SLC9A7: variants seen among roughly 807,000 people sequenced by gnomAD.
SLC9A7 encodes sodium/hydrogen exchanger 7.
In SLC9A7, 19 loss-of-function variants were observed where a neutral mutation model predicts 52.6. That is an observed-to-expected ratio of 0.36 (90% CI 0.25 to 0.53). The LOEUF (loss-of-function observed/expected upper bound fraction) is 0.53. Among genes scored for constraint, SLC9A7 ranks in the 20% least tolerant of loss-of-function variants. The pLI is 0.91. For synonymous variants in SLC9A7, 226 were observed against 252.1 expected (o/e 0.90, Z 0.98); for missense variants, 455 against 597.9 (o/e 0.76, Z 2.49).
intron 1 of SLC9A7, among the ~76,000 whole-genome samples, chrX:46,732,821 C>A (rs927933639): frequency 9.0e-6 from 1 of 111,573 alleles, no homozygotes; most frequent in African/African-American, 3.3e-5. Context: ...AAGAAACAAC[C>A]CTAGGGCCCA....
At chrX:46,708,546 G>A (rs1023570459) in intron 1 of SLC9A7, among the ~76,000 whole-genome samples, 2 of 110,896 alleles carry the variant, frequency 1.8e-5, no homozygotes, top group Non-Finnish European at 3.8e-5. Flanking sequence ...AAAAAAAGAG[G>A]TACTCAAACT....
intron 5 of SLC9A7, among the ~76,000 whole-genome samples, chrX:46,668,884 T>C (rs1323314688): frequency 9.0e-6 from 1 of 111,298 alleles, no homozygotes; most frequent in Non-Finnish European, 1.9e-5. Context: ...ATTGTTAAGA[T>C]AGGCTGGGCA....
intron 3 of SLC9A7, among the ~76,000 whole-genome samples, chrX:46,674,660 C>T (rs772066773): frequency 4.5e-5 from 5 of 111,701 alleles, no homozygotes; most frequent in Non-Finnish European, 9.4e-5. Flanking sequence ...CCCAGCTCTT[C>T]GATTCCCACT....
intron 1 of SLC9A7, among the ~76,000 whole-genome samples, chrX:46,736,342 T>C (rs1198743935): frequency 8.9e-6 from 1 of 111,951 alleles, no homozygotes; most frequent in Non-Finnish European, 1.9e-5. Context: ...TTGCATGTTA[T>C]CTACTTTTTC....
At chrX:46,755,462 A>G (rs1922580556) in intron 1 of SLC9A7, among the ~76,000 whole-genome samples, 1 of 111,265 alleles carries the variant, frequency 9.0e-6, no homozygotes. Context: ...AAAAGTCATG[A>G]AGAAAATTGA....
At chrX:46,675,061 ATGTGTGTGTGTGTGTGTGTGTG>A (rs397895552) in intron 3 of SLC9A7, among the ~76,000 whole-genome samples, 4,612 of 68,839 alleles carry the variant, frequency 0.067, 330 homozygotes, top group African/African-American at 0.21. Context: ...GAGAGAGTGA[ATGTGTGTGTGTGTGTGTGTGTG>A]TGTGTGTGTG....
chrX:46,759,039 G>C lies in SLC9A7; in HGVS notation c.-10C>G. Reference sequence around the variant, plus strand: ...CGTCACCAGGCTCCATGGTCCCGGGGCCCCCCGCGCCTCCTCCGAGCGGGG... The same window carrying C: ...CGTCACCAGGCTCCATGGTCCCGGGCCCCCCCGCGCCTCCTCCGAGCGGGG... On this transcript the variant is annotated 5_prime_UTR_variant, in exon 1 of 17. Coordinates refer to ENST00000616978, the MANE Select transcript of SLC9A7 (RefSeq NM_001257291.2). 1 of 917,982 alleles carries C rather than the reference G, an allele frequency of 1.1e-6. No homozygotes were observed. Among genetic ancestry groups the C allele is most frequent in the Non-Finnish European group, 1.3e-6 (1 of 743,731 alleles). 75.7% of individuals were successfully genotyped at this position (917,982 alleles called of 1,213,427 possible).
intron 15 of SLC9A7, among the ~76,000 whole-genome samples, chrX:46,614,098 T>G (rs374110960): frequency 9.8e-5 from 11 of 111,713 alleles, no homozygotes; most frequent in African/African-American, 3.6e-4. Flanking sequence ...GGGGGGCTAT[T>G]CTGTGTATGG....
At chrX:46,662,438 C>A in intron 6 of SLC9A7, 100 bp downstream of exon 6, 1 of 612,128 alleles carries the variant, frequency 1.6e-6, no homozygotes, top group South Asian at 3.1e-5. Flanking sequence ...GAAAAACACC[C>A]AATTCAATAT....
intron 1 of SLC9A7, among the ~76,000 whole-genome samples, chrX:46,694,332 G>GA (rs761677058): frequency 4.5e-5 from 5 of 110,379 alleles, no homozygotes; most frequent in African/African-American, 1.6e-4. Flanking sequence ...AAATGACGAG[G>GA]AAAAAACTGC....
At position 46,600,606 on chromosome X, in the gene SLC9A7, TCTTTA is replaced by T. The variant is rs1942646543; in HGVS notation, c.*6341_*6345del. 8.9e-6 allele frequency: 1 copy of T among 112,156 alleles called. No individual in the cohort carries two copies. The highest frequency in any genetic ancestry group is 1.9e-5 in the Non-Finnish European group (1 of 53,270). The allele number at this position is 112,156 out of a possible 1,213,427, so 9.2% of individuals were successfully genotyped here. On this transcript the variant is annotated 3_prime_UTR_variant, in exon 17 of 17. Coordinates refer to ENST00000616978, the MANE Select transcript of SLC9A7 (RefSeq NM_001257291.2). The stretch of plus-strand genomic sequence containing the variant: ...CTAACATCAAAAACTTTGGTTTTGC[TCTTTA>T]CAATTTTTGCTAGCACTGGGTGACA...
intron 8 of SLC9A7, among the ~76,000 whole-genome samples, chrX:46,652,139 G>T (rs1943592868): frequency 9.0e-6 from 1 of 111,395 alleles, no homozygotes; most frequent in South Asian, 3.7e-4. Context: ...TCAAACTAAT[G>T]CTTTATATAC....
intron 7 of SLC9A7, 76 bp from the exon 8 acceptor site, chrX:46,653,790 G>C: frequency 1.4e-6 from 1 of 732,066 alleles, no homozygotes; most frequent in South Asian, 2.8e-5. Context: ...ACTAGCCCAG[G>C]ACCCCTCCCC....
At chrX:46,674,761 T>C (rs777933704) in intron 3 of SLC9A7, among the ~76,000 whole-genome samples, 2 of 111,976 alleles carry the variant, frequency 1.8e-5, no homozygotes, top group South Asian at 7.4e-4. Context: ...CCATGACTAG[T>C]TCAGAATCTC....
At chrX:46,681,918 A>T (rs1944215807) in intron 2 of SLC9A7, among the ~76,000 whole-genome samples, 1 of 112,358 alleles carries the variant, frequency 8.9e-6, no homozygotes, top group South Asian at 3.7e-4. Flanking sequence ...AACCACGAAG[A>T]ACTAAGAATT....
rs1942654046 is a variant in SLC9A7 at position 46,601,091 on chromosome X, A to G, written c.*5861T>C. 2.7e-5 allele frequency: 3 copies of G among 112,601 alleles called. No individual in the cohort carries two copies. The highest frequency in any genetic ancestry group is 9.4e-5 in the Admixed American group (1 of 10,601). The allele number at this position is 112,601 out of a possible 1,213,427, so 9.3% of individuals were successfully genotyped here. On this transcript the variant is annotated 3_prime_UTR_variant, in exon 17 of 17. Transcript: ENST00000616978. ...TCAAGTTCCCCACTTTTGAAGTGGA[A>G]TAAGAAGTCATATACTTGTGAGATC...
chrX:46,742,438 C>T (rs925389071), intron 1 of SLC9A7, among the ~76,000 whole-genome samples: 12 of 109,434 alleles, frequency 1.1e-4, no homozygotes, highest in African/African-American at 4.0e-4. Flanking sequence ...AAAAAAAAGA[C>T]CTAATTATAG....
In SLC9A7 at chrX:46,730,672, ATATATAT is replaced by A. The variant is rs1311378729; in HGVS notation, c.325+28026_325+28032del. 1.3e-3 allele frequency among the ~76,000 whole-genome samples: 22 copies of A among 16,389 alleles called. 1 individual carries two copies. Among genetic ancestry groups the A allele is most frequent in the African/African-American group, 8.2e-3 (21 of 2,572 alleles). The allele number at this position is 16,389 out of a possible 115,157, so 14.2% of individuals were successfully genotyped here. ...GAGACTGTCTCAAAAAAAAAAAATT[ATATATAT>A]ATATATATATATATATATATATATA... On this transcript the variant is annotated intron_variant, in intron 1 of 16. Coordinates refer to ENST00000616978, the MANE Select transcript of SLC9A7 (RefSeq NM_001257291.2).
At chrX:46,653,484 T>C (rs942879493) in intron 8 of SLC9A7, 125 bp downstream of exon 8, 12 of 441,169 alleles carry the variant, frequency 2.7e-5, no homozygotes, top group African/African-American at 2.5e-4. Flanking sequence ...CAATCCTCCA[T>C]ACGGACACTT....
Sources: gnomAD v4.1 joint callset for allele counts (sites outside exome capture counted in the v4.1 genomes callset) on GRCh38, gnomAD v4.1.1 for gene constraint, MANE v1.5 for transcripts, NCBI Gene and HGNC (gene_info 2026-07-23, HGNC 2026-07-21) for gene names.